KLF17: variants seen among roughly 807,000 people sequenced by gnomAD.
The protein encoded by KLF17 is KLF transcription factor 17.
KLF17 carries 31 observed loss-of-function variants against 34.2 expected under a neutral mutation model. That is an observed-to-expected ratio of 0.91 (90% CI 0.68 to 1.22). KLF17 has a LOEUF of 1.22. Ranked by LOEUF, KLF17 falls within the 50% of genes most tolerant of loss-of-function variation. The pLI is 0.00. For synonymous variants in KLF17, 179 were observed against 186.7 expected, an observed-to-expected ratio of 0.96 and a Z score of 0.34; for missense variants, 478 against 505.2, an observed-to-expected ratio of 0.95 and a Z score of 0.52.
chr1:44,081,670 C>T, the KLF17 span, among the ~76,000 whole-genome samples: 7 of 152,010 alleles, frequency 4.6e-5, no homozygotes, highest in East Asian at 3.9e-4. Flanking sequence ...ATCCACCTGC[C>T]TCAGACTCCC....
chr1:44,099,520 C>T, the KLF17 span, among the ~76,000 whole-genome samples: 5 of 151,946 alleles, frequency 3.3e-5, no homozygotes, highest in Non-Finnish European at 5.9e-5. Context: ...TGGCTCACAC[C>T]TGTAATCCCA....
the KLF17 span, among the ~76,000 whole-genome samples, chr1:44,050,522 C>T: frequency 1.6e-4 from 24 of 152,296 alleles, no homozygotes; most frequent in African/African-American, 4.6e-4. Flanking sequence ...ACATGACTGC[C>T]GAGCTGCCCT....
the KLF17 span, among the ~76,000 whole-genome samples, chr1:44,113,511 G>A: frequency 3.3e-5 from 5 of 152,292 alleles, no homozygotes; most frequent in Non-Finnish European, 7.4e-5. Flanking sequence ...GTGCAGAGGA[G>A]GCACCTAGGC....
chr1:44,103,629 G>A, the KLF17 span: 1 of 1,610,124 alleles, frequency 6.2e-7, no homozygotes. Context: ...GATGTCCAGG[G>A]CCAGCTTGAC....
At chr1:44,088,111 A>T in the KLF17 span, 10 of 154,976 alleles carry the variant, frequency 6.5e-5, no homozygotes, top group Middle Eastern at 3.3e-3. Context: ...TCTTATTTTT[A>T]TTTATTTATT....
At chr1:44,068,650 G>A in the KLF17 span, among the ~76,000 whole-genome samples, 1 of 152,180 alleles carries the variant, frequency 6.6e-6, no homozygotes, top group African/African-American at 2.4e-5. Context: ...GAACATTCTG[G>A]CCTCACAGGA....
the KLF17 span, among the ~76,000 whole-genome samples, chr1:44,065,414 T>G: frequency 3.4e-5 from 5 of 145,558 alleles, no homozygotes; most frequent in African/African-American, 7.7e-5. Context: ...GGTTTTTTTT[T>G]TTTTTTTTTT....
intron 1 of KLF17, among the ~76,000 whole-genome samples, chr1:44,125,902 G>A (rs542681301): frequency 1.3e-5 from 2 of 152,182 alleles, no homozygotes; most frequent in African/African-American, 4.8e-5. Flanking sequence ...TGTAACATTG[G>A]GGGTTGAGTT....
the KLF17 span, among the ~76,000 whole-genome samples, chr1:44,079,485 T>C: frequency 3.3e-5 from 5 of 152,066 alleles, no homozygotes; most frequent in South Asian, 2.1e-4. Flanking sequence ...TTATTTTTCA[T>C]AGAGGTGAGG....
chr1:44,100,018 CTTG>C, the KLF17 span, among the ~76,000 whole-genome samples: 2 of 149,074 alleles, frequency 1.3e-5, no homozygotes, highest in Admixed American at 1.3e-4. Flanking sequence ...GGGTGGATCA[CTTG>C]AGTCAGGAGT....
At chr1:44,069,488 G>C in the KLF17 span, among the ~76,000 whole-genome samples, 1 of 144,662 alleles carries the variant, frequency 6.9e-6, no homozygotes, top group Non-Finnish European at 1.5e-5. The surrounding 1 kb of genome is among the most constrained non-coding windows in gnomAD (Gnocchi z 4.7). Context: ...GAGAGAGAGA[G>C]AGAGAGAGAG....
upstream of KLF17, chr1:44,118,800 T>C (rs2087910028): frequency 1.2e-6 from 1 of 820,404 alleles, no homozygotes; most frequent in Non-Finnish European, 1.8e-6. Flanking sequence ...TGTAAATAGG[T>C]AAATAGAAGG....
At position 44,133,518 on chromosome 1, in the gene KLF17, G is replaced by A. The variant is rs2088135954; in HGVS notation, c.*281G>A. The stretch of plus-strand genomic sequence containing the variant: ...TTCTTGGACATATACCGTTGGACAT[G>A]TCTATCTTCTGGAAACTATGGCATG... On this transcript the variant is annotated 3_prime_UTR_variant, in exon 4 of 4. Coordinates refer to ENST00000372299, the MANE Select transcript of KLF17 (RefSeq NM_173484.4). 1 of 152,252 alleles carries A rather than the reference G, an allele frequency of 6.6e-6. No homozygotes were observed. The highest frequency in any genetic ancestry group is 2.4e-5 in the African/African-American group (1 of 41,450). 9.4% of individuals were successfully genotyped at this position (152,252 alleles called of 1,614,324 possible). A position where few individuals can be genotyped will look rare whatever the true frequency, so the allele number is the denominator to read the frequency against.
At chr1:44,100,056 T>C in the KLF17 span, among the ~76,000 whole-genome samples, 2 of 143,378 alleles carry the variant, frequency 1.4e-5, no homozygotes, top group Admixed American at 7.2e-5. Context: ...GCCAACATGG[T>C]GAAACCCCGT....
chr1:44,113,800 T>C, the KLF17 span: 2 of 152,278 alleles, frequency 1.3e-5, no homozygotes, highest in South Asian at 2.1e-4. Context: ...CTTGCTAATA[T>C]TGCTGTTCTG....
At chr1:44,130,234 C>T in intron 2 of KLF17, 38 bp downstream of exon 2, 2 of 1,568,656 alleles carry the variant, frequency 1.3e-6, no homozygotes, top group Non-Finnish European at 1.7e-6. Context: ...ATGGAGGAGT[C>T]TCTGGGCTTT....
chr1:44,078,579 A>G, the KLF17 span, among the ~76,000 whole-genome samples: 1 of 151,992 alleles, frequency 6.6e-6, no homozygotes, highest in Non-Finnish European at 1.5e-5. Context: ...CTGGGACTAT[A>G]GGTGCGTGCC....
the KLF17 span, among the ~76,000 whole-genome samples, chr1:44,085,845 A>G: frequency 3.4e-5 from 5 of 147,048 alleles, no homozygotes; most frequent in Non-Finnish European, 7.5e-5. Flanking sequence ...AGAGAGAGAG[A>G]GCAATGGCAT....
chr1:44,116,983 C>G (rs188116851), upstream of KLF17: 1 of 152,140 alleles, frequency 6.6e-6, no homozygotes, highest in Middle Eastern at 3.2e-3. Flanking sequence ...CCAAGTGGCA[C>G]GATCATCATG....
Sources: allele counts gnomAD v4.1 joint callset (sites outside exome capture counted in the v4.1 genomes callset), GRCh38; gene constraint gnomAD v4.1.1; non-coding constraint Gnocchi (gnomAD v3.1); transcripts MANE v1.5; gene names NCBI Gene and HGNC (gene_info 2026-07-23, HGNC 2026-07-21).